The following TNNT1 variants were observed in gnomAD, a reference collection of about 807,000 sequenced individuals.
The protein encoded by TNNT1 is troponin T, slow skeletal muscle.
In TNNT1, 53 loss-of-function variants were observed where a neutral mutation model predicts 50.6. The ratio of observed to expected loss-of-function variants is 1.05; its 90% CI spans 0.84 to 1.32. TNNT1 has a LOEUF of 1.32. Ranked by LOEUF, TNNT1 falls within the 40% of genes most tolerant of loss-of-function variation. The pLI is 0.00. For missense variants in TNNT1, 348 were observed against 381.7 expected (o/e 0.91, Z 0.74); for synonymous variants, 142 against 138.0 (o/e 1.03, Z -0.20).
At position 55,146,671 on chromosome 19, in the gene TNNT1, G is replaced by T; in HGVS notation, c.73+10C>A. On this transcript the variant is annotated intron_variant, in intron 4 of 13. Transcript: ENST00000588981. The stretch of plus-strand genomic sequence containing the variant: ...CCCCAGCTCCAGACCTGCGGAGTCC[G>T]GGACCTCACCTTCCTCCTCCTCCTC... The T allele has an allele frequency of 7.1e-7, 1 of 1,413,280 alleles. No individual in the cohort carries two copies. Among genetic ancestry groups the T allele is most frequent in the African/African-American group, 1.5e-5 (1 of 67,860 alleles). The allele number at this position is 1,413,280 out of a possible 1,614,324, so 87.5% of individuals were successfully genotyped here.
intron 6 of TNNT1, chr19:55,142,184 C>G (rs2085470446): frequency 1.8e-5 from 7 of 389,276 alleles, no homozygotes; most frequent in South Asian, 2.3e-5. Flanking sequence ...GCGGTGGCGC[C>G]ACCTCGGCTC....
In TNNT1 at chr19:55,134,116, C is replaced by T. The variant is rs1188124969; in HGVS notation, c.700G>A (p.Glu234Lys). Residue 234 changes from glutamate to lysine, a missense_variant, in exon 12 of 14, where the codon GAG (glutamate) becomes AAG (lysine). Physicochemically the swap from Glu to Lys is moderately conservative, Grantham distance 56. Transcript: ENST00000588981. ...QELSDWIHQL[E>K]SEKFDLMAKL... The stretch of plus-strand genomic sequence containing the variant: ...GCCATCAGGTCGAACTTCTCAGACT[C>T]CAGCTGGTGGATCCAGTCCGACAGC... The T allele has an allele frequency of 5.6e-6, 9 of 1,611,942 alleles. No homozygotes were observed. The highest frequency in any genetic ancestry group is 7.6e-6 in the Non-Finnish European group (9 of 1,179,488).
rs1322654025 is a variant in TNNT1, at chr19:55,140,968, A to T, written c.310-8T>A. 1.9e-6 allele frequency: 3 copies of T among 1,613,478 alleles called. No individual in the cohort carries two copies. The highest frequency in any genetic ancestry group is 2.2e-5 in the South Asian group (2 of 91,050). ...CTCTGACCGGCGCCGCTCCTGGGAA[A>T]CGGAGAAGCATAAGGGGGTGCAGGG... On this transcript the variant is annotated splice_region_variant and splice_polypyrimidine_tract_variant and intron_variant, in intron 8 of 13. Transcript: ENST00000588981.
chr19:55,141,692 C>G (rs552793999), intron 7 of TNNT1, among the ~76,000 whole-genome samples, 165 bp downstream of exon 7: 2 of 152,218 alleles, frequency 1.3e-5, no homozygotes, highest in South Asian at 4.2e-4. Flanking sequence ...CCATATTAAC[C>G]AGGCTGGTCT....
At position 55,146,712 on chromosome 19, in the gene TNNT1, A is replaced by G; in HGVS notation, c.47-5T>C. On this transcript the variant is annotated splice_polypyrimidine_tract_variant and splice_region_variant and intron_variant, in intron 3 of 13. Coordinates refer to ENST00000588981, the MANE Select transcript of TNNT1 (RefSeq NM_003283.6). The stretch of plus-strand genomic sequence containing the variant: ...CCTCCTCCTCCGCAGCCTCCTCTGG[A>G]GATGGGGGCACAGAAGAGAAGGCGT... The G allele has an allele frequency of 6.7e-7, 1 of 1,492,796 alleles. No individual in the cohort carries two copies. The highest frequency in any genetic ancestry group is 8.9e-7 in the Non-Finnish European group (1 of 1,118,968). The allele number at this position is 1,492,796 out of a possible 1,614,324, so 92.5% of individuals were successfully genotyped here. A position where few individuals can be genotyped will look rare whatever the true frequency, so the allele number is the denominator to read the frequency against.
At chr19:55,133,960 C>CGGTGGG (rs763738713) in intron 12 of TNNT1, 33 bp from the exon 13 acceptor site, 30 of 1,607,804 alleles carry the variant, frequency 1.9e-5, no homozygotes, top group Non-Finnish European at 2.4e-5. Flanking sequence ...CTGGGACAGC[C>CGGTGGG]GGTGGGGACG....
rs2085270932 is a variant in TNNT1, at chr19:55,132,771, CAATT to C, written c.*140_*143del. 1.4e-5 allele frequency: 11 copies of C among 767,728 alleles called. No homozygotes were observed. The East Asian group carries it at 3.0e-4, about 21-fold the overall frequency. The allele number at this position is 767,728 out of a possible 1,614,324, so 47.6% of individuals were successfully genotyped here. On this transcript the variant is annotated 3_prime_UTR_variant, in exon 14 of 14. Transcript: ENST00000588981. ...AAGTAACTTGTTGGTAATAAGAAGT[CAATT>C]AACCAGGAGAGACCAGCTGCATCTC...
intron 6 of TNNT1, among the ~76,000 whole-genome samples, chr19:55,142,221 C>T (rs1413968735): frequency 6.6e-6 from 1 of 151,064 alleles, no homozygotes; most frequent in Non-Finnish European, 1.5e-5. Context: ...CCTGGGTTCA[C>T]GCCATTCTCC....
intron 6 of TNNT1, 38 bp downstream of exon 6, chr19:55,145,506 G>A: frequency 6.2e-7 from 1 of 1,608,080 alleles, no homozygotes; most frequent in Non-Finnish European, 8.5e-7. Context: ...TATTTAGGAA[G>A]ATGTATGACT....
At chr19:55,133,461 C>T (rs1599868542) in intron 13 of TNNT1, 4 of 298,050 alleles carry the variant, frequency 1.3e-5, no homozygotes, top group East Asian at 8.8e-5. Flanking sequence ...GGGTGGATCA[C>T]GAGGTCAGGA....
chr19:55,132,908 G>C lies in TNNT1; in HGVS notation c.*7C>G, dbSNP rs367699691. On this transcript the variant is annotated 3_prime_UTR_variant, in exon 14 of 14. Coordinates refer to ENST00000588981, the MANE Select transcript of TNNT1 (RefSeq NM_003283.6). ...CTTCCCAGGTGCCACTGTCCGGGGCGGCATCCTCACTTCCAGCGGCCTCCA... is the reference window on the plus strand; with the variant it reads ...CTTCCCAGGTGCCACTGTCCGGGGCCGCATCCTCACTTCCAGCGGCCTCCA... The C allele has an allele frequency of 5.0e-6, 8 of 1,600,528 alleles. No individual in the cohort carries two copies. In the African/African-American group the frequency reaches 9.4e-5, roughly 19 times the overall value.
chr19:55,133,086 A>G, intron 13 of TNNT1, 126 bp from the exon 14 acceptor site: 1 of 879,376 alleles, frequency 1.1e-6, no homozygotes, highest in Non-Finnish European at 1.8e-6. Context: ...GGAAGCAGTG[A>G]GCAAAACAAC....
At chr19:55,147,079 G>A (rs765213490) in intron 2 of TNNT1, 47 bp downstream of exon 2, 3 of 1,613,306 alleles carry the variant, frequency 1.9e-6, no homozygotes, top group South Asian at 1.1e-5. Flanking sequence ...GGGTGGGAGA[G>A]CCTCTCCACC....
At chr19:55,133,380 T>C (rs2085281985) in intron 13 of TNNT1, among the ~76,000 whole-genome samples, 1 of 150,584 alleles carries the variant, frequency 6.6e-6, no homozygotes, top group Non-Finnish European at 1.5e-5. Context: ...AACAGAGAGA[T>C]TCAGGGAAGA....
intron 3 of TNNT1, 124 bp from the exon 4 acceptor site, chr19:55,146,831 C>A: frequency 8.5e-7 from 1 of 1,171,164 alleles, no homozygotes; most frequent in East Asian, 2.6e-5. Context: ...GCGATGGGCA[C>A]GTTCCCCCTG....
At position 55,146,453 on chromosome 19, in the gene TNNT1, C is replaced by A. The variant is rs930840597; in HGVS notation, c.87G>T (p.Pro29=). ...GGTTACCTGGCTCTGCCACCGGCTC[C>A]GGCTCTTCGGGGGCTGGGGAGGGGA... The part of the protein sequence containing the change: ...AEEEEEAPEE[P]EPVAEPEEER... Residue 29 remains proline (P), a synonymous_variant, in exon 5 of 14, where the codon CCG becomes CCT. Coordinates refer to ENST00000588981, the MANE Select transcript of TNNT1 (RefSeq NM_003283.6). The A allele has an allele frequency of 2.7e-6, 3 of 1,119,706 alleles. No individual in the cohort carries two copies. The highest frequency in any genetic ancestry group is 6.8e-4 in the Middle Eastern group (2 of 2,936). The allele number at this position is 1,119,706 out of a possible 1,614,324, so 69.4% of individuals were successfully genotyped here.
chr19:55,147,690 C>T (rs1474748453), intron 1 of TNNT1, among the ~76,000 whole-genome samples: 53 of 73,222 alleles, frequency 7.2e-4, no homozygotes, highest in Admixed American at 2.3e-3. Flanking sequence ...GGTCTGGACT[C>T]CTGGATCTGA....
At position 55,146,727 on chromosome 19, in the gene TNNT1, A is replaced by C. The variant is rs2147268027; in HGVS notation, c.47-20T>G. The stretch of plus-strand genomic sequence containing the variant: ...CCTCCTCTGGAGATGGGGGCACAGA[A>C]GAGAAGGCGTTAGGAGCTGGGGGAG... On this transcript the variant is annotated intron_variant, in intron 3 of 13. Transcript: ENST00000588981. 1 of 1,498,076 alleles carries C rather than the reference A, an allele frequency of 6.7e-7. No homozygotes were observed. The highest frequency in any genetic ancestry group is 1.4e-5 in the South Asian group (1 of 73,378). 92.8% of individuals were successfully genotyped at this position (1,498,076 alleles called of 1,614,324 possible).
chr19:55,146,736 G>T lies in TNNT1; in HGVS notation c.47-29C>A, dbSNP rs778705802. ...GAGATGGGGGCACAGAAGAGAAGGC[G>T]TTAGGAGCTGGGGGAGGGATGGGGG... On this transcript the variant is annotated intron_variant, in intron 3 of 13. Coordinates refer to ENST00000588981, the MANE Select transcript of TNNT1 (RefSeq NM_003283.6). 5 of 1,486,066 alleles carry T rather than the reference G, an allele frequency of 3.4e-6. No homozygotes were observed. In the African/African-American group the frequency reaches 7.0e-5, roughly 21 times the overall value. 92.1% of individuals were successfully genotyped at this position (1,486,066 alleles called of 1,614,324 possible).
Sources: gnomAD v4.1 joint callset for allele counts (sites outside exome capture counted in the v4.1 genomes callset) on GRCh38, gnomAD v4.1.1 for gene constraint, MANE v1.5 for transcripts, NCBI Gene and HGNC (gene_info 2026-07-23, HGNC 2026-07-21) for gene names.